Variants in RICTOR observed in about 807,000 individuals in gnomAD.
RICTOR encodes the protein rapamycin-insensitive companion of mTOR.
A neutral mutation model predicts 214.9 loss-of-function variants in RICTOR; 49 were observed. That is an observed-to-expected ratio of 0.23 (90% CI 0.18 to 0.29). RICTOR has a LOEUF of 0.29. Ranked by LOEUF, RICTOR falls within the 10% of genes least tolerant of loss-of-function variation. The probability of loss-of-function intolerance (pLI) is 1.00; values close to 1 mark genes in which losing one functional copy is unlikely to be tolerated. For missense variants in RICTOR, 1,625 were observed against 2,047.0 expected (o/e 0.79, Z 3.98); for synonymous variants, 717 against 711.3 (o/e 1.01, Z -0.13).
intron 2 of RICTOR, among the ~76,000 whole-genome samples, chr5:39,044,861 A>C (rs1295186481): frequency 6.6e-6 from 1 of 152,194 alleles, no homozygotes; most frequent in East Asian, 1.9e-4. Flanking sequence ...AGTGCTAAAA[A>C]TCATGTTGCC....
chr5:38,945,043 A>G lies in RICTOR; in HGVS notation c.4659T>C (p.Asp1553=), dbSNP rs760866313. ...HSDFQDIPYS[D]WCEQTIHNPL... Reference sequence around the variant, plus strand: ...GATTATGGATAGTCTGCTCACACCAATCAGAATATGGAATATCTTGAAAGT... The same window carrying G: ...GATTATGGATAGTCTGCTCACACCAGTCAGAATATGGAATATCTTGAAAGT... Residue 1553 remains aspartate (D), a synonymous_variant, in exon 35 of 38, where the codon GAT becomes GAC. Coordinates refer to ENST00000357387, the MANE Select transcript of RICTOR (RefSeq NM_152756.5). 5.6e-6 allele frequency: 9 copies of G among 1,608,946 alleles called. No individual in the cohort carries two copies. The highest frequency in any genetic ancestry group is 7.6e-6 in the Non-Finnish European group (9 of 1,176,876).
intron 2 of RICTOR, among the ~76,000 whole-genome samples, chr5:39,031,555 T>C (rs1756272266): frequency 6.6e-6 from 1 of 152,186 alleles, no homozygotes; most frequent in Non-Finnish European, 1.5e-5. Context: ...CTCTCTTTCT[T>C]CTAATCCAAT....
At chr5:38,977,797 G>A (rs1751368835) in intron 9 of RICTOR, among the ~76,000 whole-genome samples, 1 of 151,924 alleles carries the variant, frequency 6.6e-6, no homozygotes, top group African/African-American at 2.4e-5. Flanking sequence ...AGATTGGTCA[G>A]GCTGGTCTCA....
Position 38,945,501 on chromosome 5 carries a change from A to G in RICTOR, c.4623T>C (p.Cys1541=). The G allele has an allele frequency of 6.2e-7, 1 of 1,605,918 alleles. No individual in the cohort carries two copies. Among genetic ancestry groups the G allele is most frequent in the Non-Finnish European group, 8.5e-7 (1 of 1,172,614 alleles). Residue 1541 remains cysteine (C), a synonymous_variant, in exon 34 of 38, where the codon TGT becomes TGC. Transcript: ENST00000357387. The part of the protein sequence containing the change: ...FQPSNQLSAI[C]SHSDFQDIPY... ...GACGTGATCACTTACCTGAATGACT[A>G]CATATTGCACTCAGTTGGTTGCTGG...
intron 2 of RICTOR, among the ~76,000 whole-genome samples, chr5:39,038,499 G>A (rs1315643785): frequency 6.6e-6 from 1 of 152,108 alleles, no homozygotes. Context: ...GAAATAAAGG[G>A]TATTCAATTA....
At chr5:39,050,649 C>T (rs1464155616) in intron 2 of RICTOR, among the ~76,000 whole-genome samples, 1 of 152,088 alleles carries the variant, frequency 6.6e-6, no homozygotes, top group East Asian at 1.9e-4. Flanking sequence ...AAAGAACTTA[C>T]TGTTAATTTA....
In RICTOR at chr5:38,944,861, C is replaced by G. The variant is rs1579859706; in HGVS notation, c.4789+52G>C. 26 of 1,533,012 alleles carry G rather than the reference C, an allele frequency of 1.7e-5. No individual in the cohort carries two copies. In the South Asian group the frequency reaches 2.7e-4, roughly 16 times the overall value. 95.0% of individuals were successfully genotyped at this position (1,533,012 alleles called of 1,614,324 possible). On this transcript the variant is annotated intron_variant, in intron 35 of 37. Coordinates refer to ENST00000357387, the MANE Select transcript of RICTOR (RefSeq NM_152756.5). ...TTTACGAAAAACAAAACAAAACCAA[C>G]TAATCAGAACAGTTTTACTAATAAT...
intron 2 of RICTOR, among the ~76,000 whole-genome samples, chr5:39,030,535 G>A (rs763836996): frequency 5.9e-5 from 9 of 151,990 alleles, no homozygotes; most frequent in Non-Finnish European, 7.4e-5. Context: ...ACTCTAGAGC[G>A]TTATCTGTGT....
chr5:38,975,391 T>G (rs1276621555), intron 10 of RICTOR, 146 bp downstream of exon 10: 1 of 620,548 alleles, frequency 1.6e-6, no homozygotes, highest in East Asian at 2.7e-5. Flanking sequence ...TTAATAATTT[T>G]GTACGAGTTC....
chr5:38,994,511 C>G, intron 6 of RICTOR, among the ~76,000 whole-genome samples: 1 of 145,758 alleles, frequency 6.9e-6, no homozygotes, highest in East Asian at 2.1e-4. Context: ...ATAGAGGCCA[C>G]TGTTCGTTCA....
rs151104389 is a variant in RICTOR at position 39,031,261 on chromosome 5, G to A, written c.98-10125C>T. Among the ~76,000 whole-genome samples, 272 of 152,258 alleles carry A rather than the reference G, an allele frequency of 1.8e-3. 2 individuals are homozygous for A. Among genetic ancestry groups the A allele is most frequent in the African/African-American group, 6.2e-3 (259 of 41,562 alleles). ...AACCGCCTTAAAGAGGCACTGAAAA[G>A]AAAAGGCAGTTAAGCAAACTCTGAG... On this transcript the variant is annotated intron_variant, in intron 2 of 37. Transcript: ENST00000357387.
At chr5:38,990,666 G>GAT (rs1415721492) in intron 7 of RICTOR, among the ~76,000 whole-genome samples, 5 of 29,042 alleles carry the variant, frequency 1.7e-4, no homozygotes, top group African/African-American at 6.8e-4. Flanking sequence ...ATATATATCA[G>GAT]ATATATATCA....
At chr5:39,070,329 C>T (rs1030749833) in intron 2 of RICTOR, among the ~76,000 whole-genome samples, 3 of 151,704 alleles carry the variant, frequency 2.0e-5, no homozygotes, top group South Asian at 2.1e-4. Flanking sequence ...ATTAGCCGGG[C>T]GCGGTGGCGG....
At chr5:39,072,299 AC>A (rs1193438045) in intron 2 of RICTOR, among the ~76,000 whole-genome samples, 1 of 152,210 alleles carries the variant, frequency 6.6e-6, no homozygotes, top group African/African-American at 2.4e-5. Context: ...TAAATAGTAA[AC>A]AGTTACCTGT....
chr5:38,943,210 G>A (rs1330761014), intron 36 of RICTOR: 4 of 378,462 alleles, frequency 1.1e-5, no homozygotes, highest in Non-Finnish European at 1.4e-5. Flanking sequence ...TTGTAAAATT[G>A]AAGCATTCTT....
chr5:38,990,597 GATATATATGAT>G (rs1752559990), intron 7 of RICTOR, among the ~76,000 whole-genome samples: 2 of 115,800 alleles, frequency 1.7e-5, no homozygotes, highest in Admixed American at 9.0e-5. Flanking sequence ...TGATATATAC[GATATATATGAT>G]ATATATACGA....
intron 10 of RICTOR, 116 bp from the exon 11 acceptor site, chr5:38,972,075 A>T (rs1750833062): frequency 3.5e-6 from 2 of 568,886 alleles, no homozygotes; most frequent in East Asian, 5.8e-5. Flanking sequence ...TGATTATGAT[A>T]CTATTTGGTC....
chr5:38,982,799 C>A (rs975697043), intron 7 of RICTOR, among the ~76,000 whole-genome samples: 8 of 17,118 alleles, frequency 4.7e-4, no homozygotes, highest in African/African-American at 1.0e-3. Context: ...CATATATATA[C>A]ACATACATAT....
At position 38,960,255 on chromosome 5, in the gene RICTOR, GTC is replaced by G. The variant is rs768813073; in HGVS notation, c.1851+141_1851+142del. 2.3e-4 allele frequency: 197 copies of G among 850,954 alleles called. 1 individual carries two copies. The highest frequency in any genetic ancestry group is 3.4e-4 in the Non-Finnish European group (181 of 534,326). The allele number at this position is 850,954 out of a possible 1,614,324, so 52.7% of individuals were successfully genotyped here. ...TGACTAAGTCGGGATTCAACTCTAG[GTC>G]TGGGATCATTTCTTATGTTTCCAAA... On this transcript the variant is annotated intron_variant, in intron 20 of 37. Transcript: ENST00000357387.
Sources: gnomAD v4.1 joint callset for allele counts (sites outside exome capture counted in the v4.1 genomes callset) on GRCh38, gnomAD v4.1.1 for gene constraint, MANE v1.5 for transcripts, NCBI Gene and HGNC (gene_info 2026-07-23, HGNC 2026-07-21) for gene names.